The following FER1L6 variants were observed in gnomAD, a reference collection of about 807,000 sequenced individuals.
The protein encoded by FER1L6 is fer-1-like protein 6.
A neutral mutation model predicts 219.2 loss-of-function variants in FER1L6; 177 were observed. The ratio of observed to expected loss-of-function variants is 0.81; its 90% confidence interval spans 0.71 to 0.91. The LOEUF (loss-of-function observed/expected upper bound fraction) is 0.91, where lower values mean the gene tolerates loss of function less well. Among genes scored for constraint, FER1L6 ranks in the 40% least tolerant of loss-of-function variants. The pLI, the probability that FER1L6 is intolerant of heterozygous loss-of-function variation, is 0.00. For synonymous variants in FER1L6, 768 were observed against 824.3 expected (o/e 0.93, Z 1.17); for missense variants, 2,153 against 2,259.9 (o/e 0.95, Z 0.96).
intron 1 of FER1L6, among the ~76,000 whole-genome samples, chr8:123,878,810 T>C (rs1007197318): frequency 6.6e-6 from 1 of 152,256 alleles, no homozygotes; most frequent in Non-Finnish European, 1.5e-5. Context: ...ACCTTGTCAC[T>C]GCTAAAAATA....
At chr8:124,029,944 A>T (rs12679096) in intron 18 of FER1L6, among the ~76,000 whole-genome samples, 21 of 152,032 alleles carry the variant, frequency 1.4e-4, no homozygotes, top group Admixed American at 1.0e-3. Context: ...TTTTTGTATA[A>T]GGTTTAAGGA....
At chr8:124,035,479 G>A (rs1819158812) in intron 19 of FER1L6, 25 bp downstream of exon 19, 3 of 1,586,050 alleles carry the variant, frequency 1.9e-6, no homozygotes, top group Non-Finnish European at 2.6e-6. Context: ...GGGCAAAGAG[G>A]GTCATTCGAG....
intron 1 of FER1L6, among the ~76,000 whole-genome samples, chr8:123,954,575 G>C (rs570021808): frequency 6.6e-6 from 1 of 152,240 alleles, no homozygotes; most frequent in East Asian, 1.9e-4. Flanking sequence ...AATAATTAAG[G>C]TTTATTGAGG....
rs760603826 is a variant in FER1L6, at chr8:124,023,601, G to A, written c.2286+5G>A. 1.9e-6 allele frequency: 3 copies of A among 1,613,964 alleles called. No individual in the cohort carries two copies. The highest frequency in any genetic ancestry group is 1.7e-6 in the Non-Finnish European group (2 of 1,179,942). On this transcript the variant is annotated splice_donor_5th_base_variant and intron_variant, in intron 18 of 40. Coordinates refer to ENST00000522917, the MANE Select transcript of FER1L6 (RefSeq NM_001039112.2). ...ATCAAAACTCACTTCCTCAAAGTAA[G>A]TGTGCAGTATTTTAACTAAAAGAAG...
intron 22 of FER1L6, among the ~76,000 whole-genome samples, chr8:124,053,052 A>C (rs1274154257): frequency 6.6e-6 from 1 of 152,244 alleles, no homozygotes; most frequent in East Asian, 1.9e-4. Flanking sequence ...CCCATTTTGC[A>C]CGTGAGAAAG....
rs1035160278 is a variant in FER1L6, at chr8:123,852,551, G to A, written c.-8+366G>A. Among the ~76,000 whole-genome samples the A allele has an allele frequency of 1.1e-4, 17 of 151,400 alleles. No individual in the cohort carries two copies. Among genetic ancestry groups the A allele is most frequent in the Admixed American group, 7.9e-4 (12 of 15,152 alleles). ...GAGGGAGGAGAAAGAAGAGAGACTG[G>A]TAAAATTTTGGGGGATTATAGAGAC... is the stretch of plus-strand genomic sequence containing the variant. On this transcript the variant is annotated intron_variant, in intron 1 of 40. Coordinates refer to ENST00000522917, the MANE Select transcript of FER1L6 (RefSeq NM_001039112.2). The surrounding 1 kb of genome is among the most constrained non-coding windows in gnomAD (Gnocchi z 4.9).
chr8:123,921,869 T>C (rs1178325684), intron 1 of FER1L6, among the ~76,000 whole-genome samples: 1 of 151,968 alleles, frequency 6.6e-6, no homozygotes, highest in Non-Finnish European at 1.5e-5. Flanking sequence ...ACTTGAAAGG[T>C]GTTTGTCAAG....
intron 11 of FER1L6, chr8:123,984,135 T>C (rs573829954): frequency 2.6e-5 from 4 of 151,750 alleles, no homozygotes; most frequent in Non-Finnish European, 5.9e-5. Context: ...TTGACTGCCA[T>C]TTATGGTGAT....
At chr8:124,097,457 T>C (rs557999735) in intron 36 of FER1L6, 98 bp downstream of exon 36, 1 of 902,206 alleles carries the variant, frequency 1.1e-6, no homozygotes, top group East Asian at 2.5e-5. Context: ...TACCTGATCA[T>C]CATACCTCAC....
chr8:124,003,630 G>A (rs368147040), intron 13 of FER1L6, among the ~76,000 whole-genome samples: 4 of 151,438 alleles, frequency 2.6e-5, no homozygotes, highest in African/African-American at 7.3e-5. Context: ...CACCATGCCC[G>A]GCTAATTTTT....
chr8:123,997,185 G>C (rs1453591679), intron 12 of FER1L6, among the ~76,000 whole-genome samples: 3 of 152,068 alleles, frequency 2.0e-5, no homozygotes, highest in African/African-American at 7.2e-5. Context: ...ATGTCTTTTA[G>C]GATAGGTCTA....
At chr8:123,950,706 G>A (rs149434107) in intron 1 of FER1L6, among the ~76,000 whole-genome samples, 121 of 152,278 alleles carry the variant, frequency 7.9e-4, no homozygotes, top group African/African-American at 2.8e-3. Context: ...GGACTATAAT[G>A]TACAAAATTA....
At chr8:124,113,845 G>A (rs776194547) in intron 39 of FER1L6, among the ~76,000 whole-genome samples, 244 of 152,274 alleles carry the variant, frequency 1.6e-3, no homozygotes, top group Middle Eastern at 3.4e-3. Flanking sequence ...ACTCCATAGC[G>A]GATCATGCCA....
At chr8:123,932,542 C>T (rs913094232) in intron 1 of FER1L6, among the ~76,000 whole-genome samples, 18 of 152,064 alleles carry the variant, frequency 1.2e-4, no homozygotes, top group Non-Finnish European at 1.6e-4. Context: ...AAGTTAACAA[C>T]GGTGAAGGAG....
chr8:124,096,168 G>A (rs1488531983), intron 35 of FER1L6, among the ~76,000 whole-genome samples: 2 of 152,202 alleles, frequency 1.3e-5, no homozygotes, highest in Non-Finnish European at 2.9e-5. Context: ...ATTGTTTCCT[G>A]AAATTCACTG....
intron 22 of FER1L6, among the ~76,000 whole-genome samples, chr8:124,050,699 G>C (rs1232457871): frequency 1.3e-5 from 2 of 152,034 alleles, no homozygotes; most frequent in Non-Finnish European, 2.9e-5. Context: ...CAAGATCAAG[G>C]TGTCAGCAGA....
intron 1 of FER1L6, among the ~76,000 whole-genome samples, chr8:123,855,561 C>A (rs1816617987): frequency 6.6e-6 from 1 of 151,964 alleles, no homozygotes; most frequent in Non-Finnish European, 1.5e-5. Flanking sequence ...TATGTCCTGA[C>A]TCTGCCATGG....
intron 17 of FER1L6, 28 bp from the exon 18 acceptor site, chr8:124,023,416 T>A (rs1818550425): frequency 6.2e-7 from 1 of 1,605,826 alleles, no homozygotes; most frequent in Admixed American, 1.7e-5. Context: ...CCATTCCTAT[T>A]CAATCCCAAC....
chr8:123,997,708 T>G (rs1817196748), intron 12 of FER1L6, among the ~76,000 whole-genome samples: 1 of 152,164 alleles, frequency 6.6e-6, no homozygotes, highest in African/African-American at 2.4e-5. Flanking sequence ...TTTTCTATTC[T>G]TTTTTTCTTT....
Sources: allele counts gnomAD v4.1 joint callset (sites outside exome capture counted in the v4.1 genomes callset), GRCh38; gene constraint gnomAD v4.1.1; non-coding constraint Gnocchi (gnomAD v3.1); transcripts MANE v1.5; gene names NCBI Gene and HGNC (gene_info 2026-07-23, HGNC 2026-07-21).